Variants in FAM185A observed in about 807,000 individuals in gnomAD.
The protein encoded by FAM185A is family with sequence similarity 185 member A.
In FAM185A, 21 loss-of-function variants were observed where a neutral mutation model predicts 45.7. The ratio of observed to expected loss-of-function variants is 0.46; its 90% CI spans 0.33 to 0.66. FAM185A has a LOEUF of 0.66. Among genes scored for constraint, FAM185A ranks in the 30% least tolerant of loss-of-function variants. The pLI, the probability that FAM185A is intolerant of heterozygous loss-of-function variation, is 0.03. For missense variants in FAM185A, 305 were observed against 485.4 expected, an observed-to-expected ratio of 0.63 and a Z score of 3.49; for synonymous variants, 117 against 194.0, an observed-to-expected ratio of 0.60 and a Z score of 3.30.
chr7:102,769,445 A>T (rs1182727639), intron 4 of FAM185A, among the ~76,000 whole-genome samples: 1 of 152,152 alleles, frequency 6.6e-6, no homozygotes, highest in Non-Finnish European at 1.5e-5. Flanking sequence ...TTTAAAAAAA[A>T]TTGTAAATTT....
chr7:102,824,042 G>A, the FAM185A span, among the ~76,000 whole-genome samples: 1 of 152,198 alleles, frequency 6.6e-6, no homozygotes, highest in South Asian at 2.1e-4. Flanking sequence ...CAGAGTAGCA[G>A]GTTTGGTTTG....
the FAM185A span, among the ~76,000 whole-genome samples, chr7:102,818,702 G>C: frequency 6.6e-6 from 1 of 152,194 alleles, no homozygotes; most frequent in Non-Finnish European, 1.5e-5. Context: ...AGGCCACTAA[G>C]ACTTTCTCTA....
chr7:102,842,363 T>TA, the FAM185A span, among the ~76,000 whole-genome samples: 15 of 151,790 alleles, frequency 9.9e-5, 2 homozygotes, highest in East Asian at 1.4e-3. Flanking sequence ...TTGAGTTCTT[T>TA]AAAAAAAAAT....
intron 3 of FAM185A, among the ~76,000 whole-genome samples, chr7:102,758,279 T>C (rs948449335): frequency 6.6e-6 from 1 of 152,088 alleles, no homozygotes; most frequent in African/African-American, 2.4e-5. Context: ...AGTAACTGGA[T>C]TGGATTTTTC....
At chr7:102,848,286 G>A in the FAM185A span, among the ~76,000 whole-genome samples, 2 of 46,534 alleles carry the variant, frequency 4.3e-5, 1 homozygote, top group Non-Finnish European at 7.3e-5. Context: ...GCCGGGCGCG[G>A]TGGCTCACGC....
chr7:102,789,537 C>A (rs774158316), intron 7 of FAM185A, among the ~76,000 whole-genome samples: 5 of 152,158 alleles, frequency 3.3e-5, no homozygotes, highest in Non-Finnish European at 5.9e-5. Context: ...AGTGAAACCC[C>A]CATTTCTACT....
the FAM185A span, chr7:102,816,116 C>G: frequency 6.6e-6 from 1 of 152,242 alleles, no homozygotes; most frequent in Non-Finnish European, 1.5e-5. Flanking sequence ...TAGCTCTGCT[C>G]TCCAGTCCAC....
the FAM185A span, among the ~76,000 whole-genome samples, chr7:102,844,408 T>C: frequency 6.6e-6 from 1 of 152,146 alleles, no homozygotes; most frequent in African/African-American, 2.4e-5. Flanking sequence ...TCCTTCAAAT[T>C]ACTTGTAGGT....
intron 5 of FAM185A, among the ~76,000 whole-genome samples, chr7:102,772,760 A>G (rs1794834643): frequency 6.6e-6 from 1 of 151,826 alleles, no homozygotes; most frequent in Non-Finnish European, 1.5e-5. Context: ...AAAGAAAGAT[A>G]TAAATAATGT....
intron 7 of FAM185A, among the ~76,000 whole-genome samples, chr7:102,798,140 G>A (rs2129443548): frequency 1.3e-5 from 2 of 152,352 alleles, no homozygotes; most frequent in Middle Eastern, 6.8e-3. Flanking sequence ...GGAAGCCACA[G>A]TGTATAGGGA....
chr7:102,798,111 G>A (rs2129443545), intron 7 of FAM185A, among the ~76,000 whole-genome samples: 1 of 152,344 alleles, frequency 6.6e-6, no homozygotes, highest in Non-Finnish European at 1.5e-5. Flanking sequence ...GTCCTAGGAA[G>A]CCTTTCCTCC....
At chr7:102,768,631 T>C (rs1211449776) in intron 4 of FAM185A, among the ~76,000 whole-genome samples, 1 of 150,560 alleles carries the variant, frequency 6.6e-6, no homozygotes, top group Non-Finnish European at 1.5e-5. Flanking sequence ...TTCTATGTGC[T>C]TGAACCATAA....
chr7:102,832,702 G>T, the FAM185A span: 1 of 1,054,316 alleles, frequency 9.5e-7, no homozygotes, highest in Non-Finnish European at 1.3e-6. Context: ...CCAATTTGAG[G>T]ATAGAAGAAA....
chr7:102,847,602 C>T, the FAM185A span, among the ~76,000 whole-genome samples: 1 of 151,800 alleles, frequency 6.6e-6, no homozygotes, highest in Non-Finnish European at 1.5e-5. Flanking sequence ...TCTCGGCTCA[C>T]TGCAACCTCT....
chr7:102,755,420 C>G lies in FAM185A; in HGVS notation c.562-2434C>G, dbSNP rs372516469. 2.0e-3 allele frequency: 1,206 copies of G among 616,748 alleles called. 11 individuals carry two copies. The African/African-American group carries it at 0.02, about 10-fold the overall frequency. 38.2% of individuals were successfully genotyped at this position (616,748 alleles called of 1,614,324 possible). ...ACCCAGGCCCTGGAAGGCCAAACAG[C>G]TACTCAGCTGCTTAAGCTGGCCCAC... On this transcript the variant is annotated intron_variant, in intron 2 of 7. Transcript: ENST00000413034.
the FAM185A span, among the ~76,000 whole-genome samples, chr7:102,827,774 G>A: frequency 1.3e-5 from 2 of 152,042 alleles, no homozygotes; most frequent in Admixed American, 1.3e-4. Context: ...AGAACATGCA[G>A]TGTTTGGTTT....
intron 7 of FAM185A, among the ~76,000 whole-genome samples, chr7:102,792,367 G>A (rs1212688675): frequency 8.3e-6 from 1 of 120,296 alleles, no homozygotes; most frequent in Non-Finnish European, 1.7e-5. Context: ...TATTGGGGCT[G>A]CATTCTATAA....
intron 4 of FAM185A, among the ~76,000 whole-genome samples, chr7:102,766,127 G>T (rs1282256543): frequency 1.3e-5 from 2 of 152,240 alleles, no homozygotes; most frequent in Non-Finnish European, 2.9e-5. Flanking sequence ...TGCTAGGATT[G>T]GTTTTATTTA....
At position 102,749,262 on chromosome 7, in the gene FAM185A, C is replaced by T; in HGVS notation, c.55C>T (p.Gln19Ter). ...TGGCTGCTTCCGTCTCTGTCTCCGT[C>T]AGGTCCGACTGTGGGCTGGCGCTGG... ...ELGCFRLCLR[Q>*]VRLWAGAGRW... The change falls in exon 1 of 8, where the codon CAG becomes TAG. Residue 19 changes from glutamine (Q) to a stop codon, truncating the protein, a stop_gained. Transcript: ENST00000413034. LOFTEE classifies it high-confidence loss of function. 11 of 1,550,712 alleles carry T rather than the reference C, an allele frequency of 7.1e-6. No individual in the cohort carries two copies. The highest frequency in any genetic ancestry group is 9.6e-6 in the Non-Finnish European group (11 of 1,146,816).
Sources: gnomAD v4.1 joint callset for allele counts (sites outside exome capture counted in the v4.1 genomes callset) on GRCh38, gnomAD v4.1.1 for gene constraint, MANE v1.5 for transcripts, NCBI Gene and HGNC (gene_info 2026-07-23, HGNC 2026-07-21) for gene names.